The following ANKRD36 variants were observed in gnomAD, a reference collection of about 807,000 sequenced individuals.
ANKRD36 encodes the protein ankyrin repeat domain-containing protein 36A.
Under a neutral mutation model 278.1 loss-of-function variants are expected in ANKRD36, and 179 were observed. That is an observed-to-expected ratio of 0.64 (90% confidence interval 0.57 to 0.73). ANKRD36 has a LOEUF of 0.73. Ranked by LOEUF, ANKRD36 falls within the 30% of genes least tolerant of loss-of-function variation. The pLI is 0.00. For missense variants in ANKRD36, 1,159 were observed against 1,956.7 expected, an observed-to-expected ratio of 0.59 and a Z score of 7.69; for synonymous variants, 320 against 641.1, an observed-to-expected ratio of 0.50 and a Z score of 7.57.
intron 67 of ANKRD36, among the ~76,000 whole-genome samples, chr2:97,225,900 T>A (rs1210489132): frequency 2.6e-5 from 4 of 151,686 alleles, no homozygotes; most frequent in Non-Finnish European, 5.9e-5. Flanking sequence ...CTTGCGATAG[T>A]TTACTGAGAA....
intron 18 of ANKRD36, among the ~76,000 whole-genome samples, chr2:97,162,685 G>T (rs2049269663): frequency 6.9e-6 from 1 of 145,586 alleles, no homozygotes; most frequent in African/African-American, 2.5e-5. Flanking sequence ...GTAGAAAAAC[G>T]ACAGGAAACC....
chr2:97,211,824 C>A, intron 58 of ANKRD36, 83 bp downstream of exon 58: 1 of 1,427,580 alleles, frequency 7.0e-7, no homozygotes, highest in Non-Finnish European at 9.5e-7. Context: ...GCGGGGGGTT[C>A]GTCAAGCCTT....
chr2:97,190,986 C>G lies in ANKRD36; in HGVS notation c.2254C>G (p.Gln752Glu), dbSNP rs765378956. Residue 752 changes from glutamine (Q) to glutamate (E), a missense_variant, in exon 35 of 76, where the codon CAG becomes GAG. Transcript: ENST00000420699. ...DGEKSGTVSS[Q>E]KQPALKATTD... ...CCCTTTTTGCTTTTCAGTGTCTTCTCAGAAACAACCAGCCTTGAAGGTAAT... is the reference window on the plus strand; with the variant it reads ...CCCTTTTTGCTTTTCAGTGTCTTCTGAGAAACAACCAGCCTTGAAGGTAAT... 2.5e-6 allele frequency: 4 copies of G among 1,604,520 alleles called. No individual in the cohort carries two copies. The highest frequency in any genetic ancestry group is 3.4e-6 in the Non-Finnish European group (4 of 1,175,482).
At chr2:97,191,630 A>G (rs1246166423) in intron 36 of ANKRD36, among the ~76,000 whole-genome samples, 3 of 151,708 alleles carry the variant, frequency 2.0e-5, no homozygotes, top group African/African-American at 7.2e-5. Flanking sequence ...TATTTTCCCA[A>G]GGAAGACGGA....
intron 40 of ANKRD36, 82 bp downstream of exon 40, chr2:97,194,999 T>C: frequency 6.6e-7 from 1 of 1,506,698 alleles, no homozygotes; most frequent in Non-Finnish European, 8.9e-7. Flanking sequence ...GGGGGGCTGG[T>C]CAAAGATGCA....
chr2:97,219,082 A>G lies in ANKRD36; in HGVS notation c.3804+4A>G. The stretch of plus-strand genomic sequence containing the variant: ...TGAGAATCTGCCCACCTTGAAGGTA[A>G]TTACTCTTACATTTATATTTTTAAT... On this transcript the variant is annotated splice_donor_region_variant and intron_variant, in intron 65 of 75. Coordinates refer to ENST00000420699, the MANE Select transcript of ANKRD36 (RefSeq NM_001354587.1). 3 of 1,544,456 alleles carry G rather than the reference A, an allele frequency of 1.9e-6. No individual in the cohort carries two copies. In the Admixed American group the frequency reaches 5.9e-5, roughly 30 times the overall value.
intron 70 of ANKRD36, 34 bp downstream of exon 70, chr2:97,244,063 A>G (rs1434760369): frequency 6.5e-7 from 1 of 1,547,918 alleles, no homozygotes; most frequent in Non-Finnish European, 8.7e-7. Context: ...TCATATTTCT[A>G]CTCTTATTAA....
chr2:97,202,605 G>A (rs1395745109), intron 48 of ANKRD36, among the ~76,000 whole-genome samples: 5 of 151,830 alleles, frequency 3.3e-5, no homozygotes, highest in Non-Finnish European at 7.4e-5. Context: ...CCACATTGAA[G>A]TTGGGAAGAA....
chr2:97,220,775 A>ATTTTTTTTTTTTTTTTTTTTT (rs58512786), intron 66 of ANKRD36, among the ~76,000 whole-genome samples: 3 of 62,718 alleles, frequency 4.8e-5, no homozygotes, highest in Admixed American at 1.9e-4. Context: ...TTTTTTTTTA[A>ATTTTTTTTTTTTTTTTTTTTT]TTTTTTTTTT....
intron 22 of ANKRD36, among the ~76,000 whole-genome samples, chr2:97,177,622 A>G (rs1021229598): frequency 1.3e-5 from 2 of 152,076 alleles, no homozygotes; most frequent in African/African-American, 2.4e-5. Flanking sequence ...CTGGCTAGCC[A>G]TATGTAGAAA....
At chr2:97,216,267 TG>T in intron 62 of ANKRD36, among the ~76,000 whole-genome samples, 1 of 152,032 alleles carries the variant, frequency 6.6e-6, no homozygotes, top group Admixed American at 6.6e-5. Context: ...AGCTAACTCT[TG>T]GGTAAAATAG....
intron 36 of ANKRD36, among the ~76,000 whole-genome samples, chr2:97,191,687 T>TG (rs1397509242): frequency 2.6e-5 from 4 of 151,682 alleles, no homozygotes; most frequent in African/African-American, 9.7e-5. Context: ...TATATAATTT[T>TG]GGGGTTTTTC....
chr2:97,228,211 G>A (rs1280744409), intron 67 of ANKRD36, among the ~76,000 whole-genome samples: 3 of 152,100 alleles, frequency 2.0e-5, no homozygotes, highest in Admixed American at 6.5e-5. Context: ...AGAAGGAAGG[G>A]TACCACTTCC....
chr2:97,194,750 T>A lies in ANKRD36; in HGVS notation c.2474T>A (p.Leu825Ter), dbSNP rs59466168. 6.2e-7 allele frequency: 1 copy of A among 1,600,816 alleles called. No homozygotes were observed. The highest frequency in any genetic ancestry group is 8.5e-7 in the Non-Finnish European group (1 of 1,177,130). ...GTGTCTTCTCGGAAAAAACCAGCCTTGAAGGTAATGAAACTCTCATTCATA... is the reference window on the plus strand; with the variant it reads ...GTGTCTTCTCGGAAAAAACCAGCCTAGAAGGTAATGAAACTCTCATTCATA... ...RTVSSRKKPA[L>*]KATSDEKDSF... The change falls in exon 39 of 76, where the codon TTG becomes TAG. Residue 825 changes from leucine to a stop codon, truncating the protein, a stop_gained. Transcript: ENST00000420699. LOFTEE classifies it high-confidence loss of function.
intron 22 of ANKRD36, among the ~76,000 whole-genome samples, chr2:97,179,475 G>A (rs981485519): frequency 7.3e-5 from 11 of 151,534 alleles, no homozygotes; most frequent in Non-Finnish European, 1.0e-4. Context: ...TATTGACATG[G>A]TTTTATTTTA....
chr2:97,206,945 A>G (rs2063021034), intron 52 of ANKRD36, among the ~76,000 whole-genome samples: 1 of 151,466 alleles, frequency 6.6e-6, no homozygotes, highest in Non-Finnish European at 1.5e-5. Context: ...GAACAACATG[A>G]TACTCCCAAG....
At chr2:97,218,933 T>G (rs2066654008) in intron 64 of ANKRD36, 117 bp from the exon 65 acceptor site, 34 of 1,439,198 alleles carry the variant, frequency 2.4e-5, no homozygotes, top group Non-Finnish European at 3.2e-5. Flanking sequence ...TAGAAAAATA[T>G]GAAACCCTAC....
At chr2:97,176,130 T>C (rs2054172553) in intron 22 of ANKRD36, among the ~76,000 whole-genome samples, 1 of 151,876 alleles carries the variant, frequency 6.6e-6, no homozygotes, top group Non-Finnish European at 1.5e-5. Flanking sequence ...TCTGTAGATG[T>C]CTATTAGGTC....
intron 54 of ANKRD36, among the ~76,000 whole-genome samples, chr2:97,208,821 C>T (rs1482100529): frequency 4.1e-5 from 6 of 146,556 alleles, no homozygotes; most frequent in Non-Finnish European, 8.9e-5. Flanking sequence ...CACGATACTC[C>T]CAACCAGACT....
Sources: gnomAD v4.1 joint callset for allele counts (sites outside exome capture counted in the v4.1 genomes callset) on GRCh38, gnomAD v4.1.1 for gene constraint, MANE v1.5 for transcripts, NCBI Gene and HGNC (gene_info 2026-07-23, HGNC 2026-07-21) for gene names.